The following TTN variants were observed in gnomAD, a reference collection of about 807,000 sequenced individuals.
TTN encodes the protein connectin.
In TTN, 1,525 loss-of-function variants were observed where a neutral mutation model predicts 3,223.0. The ratio of observed to expected loss-of-function variants is 0.47; its 90% CI spans 0.45 to 0.49. The LOEUF (loss-of-function observed/expected upper bound fraction) is 0.49, where lower values mean the gene tolerates loss of function less well. TTN is among the 20% of genes least tolerant of loss of function. TTN has a pLI of 0.00. For missense variants in TTN, 40,786 were observed against 43,424.0 expected, an observed-to-expected ratio of 0.94 and a Z score of 5.40; for synonymous variants, 14,094 against 15,161.0, an observed-to-expected ratio of 0.93 and a Z score of 5.17.
chr2:178,707,750 T>C lies in TTN; in HGVS notation c.28817A>G (p.Tyr9606Cys), dbSNP rs1408526622. Reference protein sequence around the residue: ...LTPVTVSEGEYVQLSCHVQGS... With the variant: ...LTPVTVSEGECVQLSCHVQGS... ...CTGGACATGGCAGCTGAGCTGCACG[T>C]ATTCTCCTTCACTCACTGTTACTGG... The change falls in exon 100 of 363, where the codon TAC (tyrosine) becomes TGC (cysteine). Residue 9606 changes from tyrosine (Y) to cysteine (C), a missense_variant. Physicochemically the swap from Tyr to Cys is radical, Grantham distance 194. Transcript: ENST00000589042. 6.2e-7 allele frequency: 1 copy of C among 1,613,940 alleles called. No homozygotes were observed. The highest frequency in any genetic ancestry group is 8.5e-7 in the Non-Finnish European group (1 of 1,179,820).
In TTN at chr2:178,677,969, CACA is replaced by C. The variant is rs1372692822; in HGVS notation, c.33995-55_33995-53del. ...AAACATCACTTTTATGTAAAATATT[CACA>C]ACAATGAAGAAGCTTATGAAAGGCA... On this transcript the variant is annotated intron_variant, in intron 145 of 362. Coordinates refer to ENST00000589042, the MANE Select transcript of TTN (RefSeq NM_001267550.2). 1.9e-6 allele frequency: 3 copies of C among 1,566,054 alleles called. No individual in the cohort carries two copies. In the African/African-American group the frequency reaches 4.2e-5, roughly 22 times the overall value.
Position 178,695,954 on chromosome 2 carries a change from C to T in TTN, c.31118G>A (p.Arg10373Lys). 2 of 1,532,880 alleles carry T rather than the reference C, an allele frequency of 1.3e-6. No homozygotes were observed. The highest frequency in any genetic ancestry group is 1.8e-6 in the Non-Finnish European group (2 of 1,139,558). The allele number at this position is 1,532,880 out of a possible 1,614,324, so 95.0% of individuals were successfully genotyped here. A position where few individuals can be genotyped will look rare whatever the true frequency, so the allele number is the denominator to read the frequency against. ...DFEEGQEYYEREEGYDEGEEE... is the reference protein window; with the variant it reads ...DFEEGQEYYEKEEGYDEGEEE... ...CTCCCCTTCGTCATAGCCTTCTTCC[C>T]TTTCATAGTATTCTTGCCCTTCTTC... Residue 10373 changes from arginine (R) to lysine (K), a missense_variant, in exon 114 of 363, where the codon AGG (arginine) becomes AAG (lysine). Coordinates refer to ENST00000589042, the MANE Select transcript of TTN (RefSeq NM_001267550.2).
chr2:178,722,335 A>T lies in TTN; in HGVS notation c.22452T>A (p.Ser7484Arg). ...ATLKILQTDL[S>R]HSGQYSCSAS... ...CTGAGCAAGAGTACTGGCCAGAGTG[A>T]CTCAAGTCAGTTTGCAAAATTTTTA... The change falls in exon 77 of 363, where the codon AGT becomes AGA. Residue 7484 changes from serine to arginine, a missense_variant. Coordinates refer to ENST00000589042, the MANE Select transcript of TTN (RefSeq NM_001267550.2). The T allele has an allele frequency of 6.2e-7, 1 of 1,613,180 alleles. No homozygotes were observed. The highest frequency in any genetic ancestry group is 8.5e-7 in the Non-Finnish European group (1 of 1,179,448).
Position 178,557,807 on chromosome 2 carries a change from C to T in TTN, c.87547G>A (p.Ala29183Thr). Residue 29183 changes from alanine to threonine, a missense_variant, in exon 328 of 363, where the codon GCA (alanine) becomes ACA (threonine). By Grantham distance (58) the Ala-to-Thr change is moderately conservative. Coordinates refer to ENST00000589042, the MANE Select transcript of TTN (RefSeq NM_001267550.2). ...YILLKRETST[A>T]VWTEVSATVA... ...GTTGCAGACACTTCAGTCCACACTG[C>T]AGTACTTGTTTCTCTTTTGAGTAGA... is the stretch of plus-strand genomic sequence containing the variant. 1 of 1,613,960 alleles carries T rather than the reference C, an allele frequency of 6.2e-7. No homozygotes were observed. Among genetic ancestry groups the T allele is most frequent in the Non-Finnish European group, 8.5e-7 (1 of 1,179,842 alleles).
Position 178,722,292 on chromosome 2 carries a change from T to C in TTN, c.22495A>G (p.Thr7499Ala), listed in dbSNP as rs2078525840. The change falls in exon 77 of 363, where the codon ACA (threonine) becomes GCA (alanine). Residue 7499 changes from threonine to alanine, a missense_variant. Thr to Ala is a moderately conservative substitution (Grantham distance 58). Transcript: ENST00000589042. Reference sequence around the variant, plus strand: ...GTGAGTCTAGCACTAGAAGATGCTGTTCCAAGTGGGTTGGAAGCTGAGCAA... The same window carrying C: ...GTGAGTCTAGCACTAGAAGATGCTGCTCCAAGTGGGTTGGAAGCTGAGCAA... The part of the protein sequence containing the change: ...YSCSASNPLG[T>A]ASSSARLTAR... The C allele has an allele frequency of 2.5e-6, 4 of 1,607,408 alleles. No homozygotes were observed. Among genetic ancestry groups the C allele is most frequent in the Non-Finnish European group, 3.4e-6 (4 of 1,176,694 alleles).
At chr2:178,758,253 T>C (rs1004496779) in intron 44 of TTN, among the ~76,000 whole-genome samples, 2 of 152,158 alleles carry the variant, frequency 1.3e-5, no homozygotes, top group Admixed American at 6.5e-5. Flanking sequence ...ATTCATTATT[T>C]AAAAAAACAT....
At chr2:178,667,786 A>G in intron 159 of TTN, 65 bp from the exon 160 acceptor site, 1 of 1,150,660 alleles carries the variant, frequency 8.7e-7, no homozygotes, top group South Asian at 1.4e-5. Flanking sequence ...TGTATTAAGA[A>G]AAATATAATA....
At position 178,764,569 on chromosome 2, in the gene TTN, C is replaced by T; in HGVS notation, c.9946G>A (p.Asp3316Asn). Residue 3316 changes from aspartate (D) to asparagine (N), a missense_variant, in exon 42 of 363, where the codon GAC becomes AAC. Asp to Asn is a conservative substitution (Grantham distance 23). Coordinates refer to ENST00000589042, the MANE Select transcript of TTN (RefSeq NM_001267550.2). Reference sequence around the variant, plus strand: ...GCTGATGTTGTGGCAACACCATAGTCATTCTTGGCTTCACAGGTATAGACT... The same window carrying T: ...GCTGATGTTGTGGCAACACCATAGTTATTCTTGGCTTCACAGGTATAGACT... ...AAVYTCEAKN[D>N]YGVATTSASL... 6.2e-7 allele frequency: 1 copy of T among 1,614,132 alleles called. No individual in the cohort carries two copies.
In TTN at chr2:178,709,554, A is replaced by C. The variant is rs1203595218; in HGVS notation, c.28753+12T>G. The C allele has an allele frequency of 2.5e-6, 4 of 1,597,968 alleles. No individual in the cohort carries two copies. Among genetic ancestry groups the C allele is most frequent in the Non-Finnish European group, 3.4e-6 (4 of 1,167,448 alleles). ...AAAAACACAACAGGTTGGGGCTGTG[A>C]GGATAACTCACCTTTGATGACGATT... On this transcript the variant is annotated intron_variant, in intron 99 of 362. Transcript: ENST00000589042.
chr2:178,537,540 G>A lies in TTN; in HGVS notation c.99667C>T (p.Arg33223Cys), dbSNP rs1367376217. 4 of 1,613,500 alleles carry A rather than the reference G, an allele frequency of 2.5e-6. No individual in the cohort carries two copies. Among genetic ancestry groups the A allele is most frequent in the South Asian group, 1.1e-5 (1 of 91,040 alleles). The part of the protein sequence containing the change: ...TLRLHVMYIG[R>C]PVPAMTWFHG... ...AACCAAGTCATGGCAGGTACTGGACGACCAATGTACATAACATGAAGCCGA... is the reference window on the plus strand; with the variant it reads ...AACCAAGTCATGGCAGGTACTGGACAACCAATGTACATAACATGAAGCCGA... Residue 33223 changes from arginine (R) to cysteine (C), a missense_variant, in exon 355 of 363, where the codon CGT becomes TGT. Arg to Cys is a radical substitution (Grantham distance 180, BLOSUM62 -3). Transcript: ENST00000589042.
At chr2:178,754,932 G>A (rs903455784) in intron 46 of TTN, among the ~76,000 whole-genome samples, 1 of 152,102 alleles carries the variant, frequency 6.6e-6, no homozygotes, top group African/African-American at 2.4e-5. Context: ...TAGGAAGAAA[G>A]GCCACTGTTT....
chr2:178,756,559 T>C lies in TTN; in HGVS notation c.10917A>G (p.Ser3639=), dbSNP rs1384972489. Residue 3639 remains serine (S), a synonymous_variant, in exon 46 of 363, where the codon TCA becomes TCG. Transcript: ENST00000589042. ...ATAGCTCAGTGCTTTCTGCAATTTG[T>C]GAAAGGGATGCAGTATGGCACAACT... The part of the protein sequence containing the change: ...DTQLCHTASL[S]QIAESTELSK... The C allele has an allele frequency of 1.2e-6, 2 of 1,611,462 alleles. No individual in the cohort carries two copies. Among genetic ancestry groups the C allele is most frequent in the Non-Finnish European group, 1.7e-6 (2 of 1,178,156 alleles).
In TTN at chr2:178,634,968, A is replaced by G; in HGVS notation, c.42025-119T>C. On this transcript the variant is annotated intron_variant, in intron 228 of 362. Coordinates refer to ENST00000589042, the MANE Select transcript of TTN (RefSeq NM_001267550.2). This position sits in a 1 kb window ranked among gnomAD's most constrained non-coding sequence, Gnocchi z 4.6. ...TACTACTAATAAAAGTAAGCAGAGA[A>G]TTCCCTGTCATAACATTTTACACAA... The G allele has an allele frequency of 7.3e-7, 1 of 1,373,062 alleles. No individual in the cohort carries two copies. The highest frequency in any genetic ancestry group is 1.5e-5 in the African/African-American group (1 of 68,140). 85.1% of individuals were successfully genotyped at this position (1,373,062 alleles called of 1,614,324 possible).
At position 178,723,568 on chromosome 2, in the gene TTN, C is replaced by T. The variant is rs753557450; in HGVS notation, c.21532G>A (p.Val7178Met). ...VNWFRGAREL[V>M]KGDRCNIYFE... ...TAGATGTTGCACCGGTCTCCTTTCA[C>T]TAGTTCTCTGGCACCTCTGAACCAG... Residue 7178 changes from valine (V) to methionine (M), a missense_variant, in exon 74 of 363, where the codon GTG becomes ATG. By Grantham distance (21) the Val-to-Met change is conservative. Coordinates refer to ENST00000589042, the MANE Select transcript of TTN (RefSeq NM_001267550.2). 1.9e-6 allele frequency: 3 copies of T among 1,613,280 alleles called. No homozygotes were observed. The highest frequency in any genetic ancestry group is 2.7e-5 in the African/African-American group (2 of 74,902).
At chr2:178,739,075 T>C (rs2154317310) in intron 48 of TTN, 66 bp downstream of exon 48, 1 of 1,449,836 alleles carries the variant, frequency 6.9e-7, no homozygotes, top group East Asian at 2.4e-5. Flanking sequence ...ATTTAAGTGA[T>C]GCAAGCTAAA....
chr2:178,533,200 T>C lies in TTN; in HGVS notation c.103415A>G (p.His34472Arg). 1 of 1,613,970 alleles carries C rather than the reference T, an allele frequency of 6.2e-7. No individual in the cohort carries two copies. The highest frequency in any genetic ancestry group is 8.5e-7 in the Non-Finnish European group (1 of 1,179,862). ...EFKSKEEHER[H>R]VQKQIDKTLR... is the part of the protein sequence containing the mutation. The stretch of plus-strand genomic sequence containing the variant: ...GGTTTTGTCAATTTGTTTTTGTACG[T>C]GTCGCTCATGCTCCTCCTTACTCTT... The change falls in exon 358 of 363, where the codon CAC becomes CGC. Residue 34472 changes from histidine to arginine, a missense_variant. Transcript: ENST00000589042.
rs775852603 is a variant in TTN, at chr2:178,574,158, C to A, written c.71974G>T (p.Asp23992Tyr). The change falls in exon 326 of 363, where the codon GAT (aspartate) becomes TAT (tyrosine). Residue 23992 changes from aspartate (D) to tyrosine (Y), a missense_variant. By Grantham distance (160) the Asp-to-Tyr change is radical (BLOSUM62 -3). Coordinates refer to ENST00000589042, the MANE Select transcript of TTN (RefSeq NM_001267550.2). ...NEFTVSGLTE[D>Y]AAYEFRVIAK... ...ATCACACGGAATTCATATGCAGCAT[C>A]TTCTGTTAGGCCACTGACTGTAAAT... The A allele has an allele frequency of 1.2e-6, 2 of 1,613,626 alleles. No homozygotes were observed. The highest frequency in any genetic ancestry group is 1.7e-6 in the Non-Finnish European group (2 of 1,179,674).
In TTN at chr2:178,570,814, T is replaced by A; in HGVS notation, c.75318A>T (p.Val25106=). The change falls in exon 326 of 363, where the codon GTA becomes GTT. Residue 25106 remains valine, a synonymous_variant. Coordinates refer to ENST00000589042, the MANE Select transcript of TTN (RefSeq NM_001267550.2). ...STGAITARDE[V]DPPRISMDPK... is the part of the protein sequence containing the mutation. Reference sequence around the variant, plus strand: ...GATCCATACTTATTCGTGGTGGATCTACCTCATCTCTAGCTGTTATTGCTC... The same window carrying A: ...GATCCATACTTATTCGTGGTGGATCAACCTCATCTCTAGCTGTTATTGCTC... 6.2e-7 allele frequency: 1 copy of A among 1,613,598 alleles called. No individual in the cohort carries two copies. Among genetic ancestry groups the A allele is most frequent in the Non-Finnish European group, 8.5e-7 (1 of 1,179,624 alleles).
Position 178,611,486 on chromosome 2 carries a change from C to T in TTN, c.50743G>A (p.Glu16915Lys). The change falls in exon 269 of 363, where the codon GAA becomes AAA. Residue 16915 changes from glutamate to lysine, a missense_variant. Physicochemically the swap from Glu to Lys is moderately conservative, Grantham distance 56. Transcript: ENST00000589042. ...TCTTTGTCAGGAACAACACCTTCTT[C>T]AACCTTGAATTTCAAGTCCTTTATT... is the stretch of plus-strand genomic sequence containing the variant. ...RPIKDLKFKV[E>K]EGVVPDKEYV... The T allele has an allele frequency of 6.2e-7, 1 of 1,612,984 alleles. No homozygotes were observed. Among genetic ancestry groups the T allele is most frequent in the Non-Finnish European group, 8.5e-7 (1 of 1,179,320 alleles).
Sources: gnomAD v4.1 joint callset for allele counts (sites outside exome capture counted in the v4.1 genomes callset) on GRCh38, gnomAD v4.1.1 for gene constraint, Gnocchi (gnomAD v3.1) non-coding constraint, MANE v1.5 for transcripts, NCBI Gene and HGNC (gene_info 2026-07-23, HGNC 2026-07-21) for gene names.